PIP4K2A: variants seen among roughly 807,000 people sequenced by gnomAD.
The protein encoded by PIP4K2A is phosphatidylinositol 5-phosphate 4-kinase type-2 alpha.
In PIP4K2A, 14 loss-of-function variants were observed where a neutral mutation model predicts 42.9. The ratio of observed to expected loss-of-function variants is 0.33; its 90% CI spans 0.22 to 0.51. PIP4K2A has a LOEUF of 0.51. PIP4K2A is among the 20% of genes least tolerant of loss of function. The probability of loss-of-function intolerance (pLI) is 0.97; values close to 1 mark genes in which losing one functional copy is unlikely to be tolerated. For missense variants in PIP4K2A, 434 were observed against 519.8 expected, an observed-to-expected ratio of 0.83 and a Z score of 1.61; for synonymous variants, 192 against 192.2, an observed-to-expected ratio of 1.00 and a Z score of 0.01.
At chr10:22,615,179 C>T (rs1838146615) in intron 1 of PIP4K2A, among the ~76,000 whole-genome samples, 1 of 152,044 alleles carries the variant, frequency 6.6e-6, no homozygotes, top group Admixed American at 6.6e-5. Flanking sequence ...TGATCATGGC[C>T]AACTGCAGTC....
chr10:22,539,920 AGAGAGAGAGAGG>A (rs760585105), intron 9 of PIP4K2A, 39 bp downstream of exon 9: 113 of 970,296 alleles, frequency 1.2e-4, no homozygotes, highest in South Asian at 4.9e-4. Context: ...AGGGAGAGAG[AGAGAGAGAGAGG>A]GAGAGAAAGA....
chr10:22,689,971 AC>A (rs1839830983), intron 1 of PIP4K2A, among the ~76,000 whole-genome samples: 1 of 151,788 alleles, frequency 6.6e-6, no homozygotes, highest in African/African-American at 2.4e-5. Context: ...CTTTTCAAAC[AC>A]TTGAGCCCTG....
intron 1 of PIP4K2A, among the ~76,000 whole-genome samples, chr10:22,680,818 T>G (rs888345118): frequency 5.9e-5 from 9 of 152,304 alleles, no homozygotes; most frequent in African/African-American, 2.2e-4. Flanking sequence ...ATATGCCGGA[T>G]TTTTATATTG....
Position 22,609,699 on chromosome 10 carries a change from C to G in PIP4K2A, c.163G>C (p.Val55Leu). The part of the protein sequence containing the change: ...VNHSINELSH[V>L]QIPVMLMPDD... ...GGCATCAACATAACAGGGATTTGAACATGGCTCAGTTCATTGATCTGGAAA... is the reference window on the plus strand; with the variant it reads ...GGCATCAACATAACAGGGATTTGAAGATGGCTCAGTTCATTGATCTGGAAA... Residue 55 changes from valine to leucine, a missense_variant, in exon 2 of 10, where the codon GTT (valine) becomes CTT (leucine). Coordinates refer to ENST00000376573, the MANE Select transcript of PIP4K2A (RefSeq NM_005028.5). 1 of 1,604,230 alleles carries G rather than the reference C, an allele frequency of 6.2e-7. No homozygotes were observed. The highest frequency in any genetic ancestry group is 8.5e-7 in the Non-Finnish European group (1 of 1,172,030).
chr10:22,617,940 G>C (rs988268210), intron 1 of PIP4K2A, among the ~76,000 whole-genome samples: 1 of 152,096 alleles, frequency 6.6e-6, no homozygotes, highest in Non-Finnish European at 1.5e-5. Context: ...AAAATAACCA[G>C]AGCGAGCTAA....
chr10:22,637,654 C>G (rs1027186901), intron 1 of PIP4K2A, among the ~76,000 whole-genome samples: 1 of 152,158 alleles, frequency 6.6e-6, no homozygotes, highest in African/African-American at 2.4e-5. Flanking sequence ...AGGTGGCAAA[C>G]AGCACAAAGC....
At chr10:22,610,809 C>T (rs1347468434) in intron 1 of PIP4K2A, among the ~76,000 whole-genome samples, 1 of 152,162 alleles carries the variant, frequency 6.6e-6, no homozygotes, top group Admixed American at 6.5e-5. Flanking sequence ...TTGAAGGAAG[C>T]CTTTGAAAGT....
intron 1 of PIP4K2A, among the ~76,000 whole-genome samples, chr10:22,656,425 C>A (rs1274206064): frequency 6.6e-6 from 1 of 152,220 alleles, no homozygotes; most frequent in Non-Finnish European, 1.5e-5. Flanking sequence ...CTAAGACTTT[C>A]ATTCCACTGT....
chr10:22,591,072 CCCAA>C (rs1837499049), intron 4 of PIP4K2A, among the ~76,000 whole-genome samples: 2 of 152,164 alleles, frequency 1.3e-5, no homozygotes. Flanking sequence ...GATTGCTGCT[CCCAA>C]GGATGGTCTA....
intron 6 of PIP4K2A, among the ~76,000 whole-genome samples, chr10:22,555,251 T>G (rs944609614): frequency 1.3e-5 from 2 of 152,128 alleles, no homozygotes; most frequent in African/African-American, 4.8e-5. Context: ...GCTCCGCAAC[T>G]CCAATTATTA....
intron 3 of PIP4K2A, among the ~76,000 whole-genome samples, chr10:22,597,629 C>G (rs1173789670): frequency 6.6e-6 from 1 of 151,018 alleles, no homozygotes; most frequent in African/African-American, 2.4e-5. Flanking sequence ...TATGCACTCT[C>G]TATACTACTA....
At chr10:22,639,586 C>T (rs1838736275) in intron 1 of PIP4K2A, among the ~76,000 whole-genome samples, 1 of 151,830 alleles carries the variant, frequency 6.6e-6, no homozygotes, top group Admixed American at 6.6e-5. Flanking sequence ...GCACAATTCG[C>T]GGAATATCCT....
chr10:22,621,109 T>C (rs1838319693), intron 1 of PIP4K2A, among the ~76,000 whole-genome samples: 1 of 152,222 alleles, frequency 6.6e-6, no homozygotes, highest in Non-Finnish European at 1.5e-5. Context: ...TCACCATTGA[T>C]GCACAGAAAA....
intron 9 of PIP4K2A, among the ~76,000 whole-genome samples, chr10:22,538,925 TAGAAA>T (rs1564410449): frequency 6.6e-6 from 1 of 152,194 alleles, no homozygotes; most frequent in Non-Finnish European, 1.5e-5. Context: ...TATTTTAAAA[TAGAAA>T]AGAAGAGGTT....
At chr10:22,576,518 G>A (rs1464877066) in intron 4 of PIP4K2A, among the ~76,000 whole-genome samples, 2 of 152,134 alleles carry the variant, frequency 1.3e-5, no homozygotes, top group East Asian at 1.9e-4. Context: ...GGGGTCTCAC[G>A]AGCCTCAGCC....
At chr10:22,645,623 T>C (rs1334440165) in intron 1 of PIP4K2A, among the ~76,000 whole-genome samples, 1 of 149,484 alleles carries the variant, frequency 6.7e-6, no homozygotes, top group Non-Finnish European at 1.5e-5. Flanking sequence ...ACAAGTAGAA[T>C]ACTGTAAACT....
chr10:22,645,714 C>G (rs1161232902), intron 1 of PIP4K2A, among the ~76,000 whole-genome samples: 2 of 148,012 alleles, frequency 1.4e-5, no homozygotes, highest in Admixed American at 6.7e-5. Flanking sequence ...GAGACAGGGT[C>G]TCACTCAGGG....
At position 22,664,142 on chromosome 10, in the gene PIP4K2A, C is replaced by T. The variant is rs11498382; in HGVS notation, c.144+50041G>A. On this transcript the variant is annotated intron_variant, in intron 1 of 9. Transcript: ENST00000376573. ...ATATATATATATACATATATATATACATATATATACACATATATATATATA... is the reference window on the plus strand; with the variant it reads ...ATATATATATATACATATATATATATATATATATACACATATATATATATA... Among the ~76,000 whole-genome samples the T allele has an allele frequency of 2.3e-3, 64 of 27,872 alleles. 1 individual carries two copies. Among genetic ancestry groups the T allele is most frequent in the African/African-American group, 0.011 (33 of 2,932 alleles). The allele number at this position is 27,872 out of a possible 152,430, so 18.3% of individuals were successfully genotyped here.
chr10:22,680,096 G>T (rs1201167882), intron 1 of PIP4K2A, among the ~76,000 whole-genome samples: 1 of 151,482 alleles, frequency 6.6e-6, no homozygotes, highest in Admixed American at 6.6e-5. Context: ...TCTTTAAAAA[G>T]GATTCCTTTA....
Sources: gnomAD v4.1 joint callset for allele counts (sites outside exome capture counted in the v4.1 genomes callset) on GRCh38, gnomAD v4.1.1 for gene constraint, MANE v1.5 for transcripts, NCBI Gene and HGNC (gene_info 2026-07-23, HGNC 2026-07-21) for gene names.